The following CFAP263 variants were observed in gnomAD, a reference collection of about 807,000 sequenced individuals.
CFAP263 encodes cilia- and flagella-associated protein 263.
chr16:58,278,533 G>A, the CFAP263 span: 50 of 1,614,074 alleles, frequency 3.1e-5, no homozygotes, highest in African/African-American at 3.3e-4. Flanking sequence ...GCAGCTGGCC[G>A]AGTTCCGGGC....
chr16:58,261,526 AG>A, the CFAP263 span, among the ~76,000 whole-genome samples: 1 of 152,174 alleles, frequency 6.6e-6, no homozygotes, highest in Admixed American at 6.5e-5. Context: ...TCACGAGAAA[AG>A]GTGTATATGT....
the CFAP263 span, chr16:58,279,808 A>T: frequency 1.3e-6 from 2 of 1,518,400 alleles, no homozygotes; most frequent in South Asian, 1.1e-5. Flanking sequence ...ACAGACCACT[A>T]CATGACCTAT....
At chr16:58,266,403 ATATTTTTTTTTTT>A in the CFAP263 span, among the ~76,000 whole-genome samples, 649 of 29,300 alleles carry the variant, frequency 0.022, 2 homozygotes, top group Middle Eastern at 0.079. Context: ...ATATATATAT[ATATTTTTTTTTTT>A]TTTTTTTTTT....
chr16:58,279,720 G>A, the CFAP263 span: 1 of 1,611,946 alleles, frequency 6.2e-7, no homozygotes, highest in Non-Finnish European at 8.5e-7. Context: ...GTAAGGCTTG[G>A]AATCGAATGA....
chr16:58,255,045 A>G, the CFAP263 span, among the ~76,000 whole-genome samples: 1 of 152,202 alleles, frequency 6.6e-6, no homozygotes, highest in Non-Finnish European at 1.5e-5. Context: ...ATTACAAGGC[A>G]AAGTCCCACG....
the CFAP263 span, chr16:58,279,784 G>A: frequency 8.0e-5 from 128 of 1,605,730 alleles, no homozygotes; most frequent in Non-Finnish European, 1.0e-4. Context: ...GTAGCCAGAG[G>A]CAGGCCACGG....
chr16:58,276,280 C>T, the CFAP263 span, among the ~76,000 whole-genome samples: 13 of 152,196 alleles, frequency 8.5e-5, 1 homozygote, highest in South Asian at 1.5e-3. Context: ...ATCAAAGAGT[C>T]GATAAAACTG....
chr16:58,257,490 C>T, the CFAP263 span, among the ~76,000 whole-genome samples: 6 of 151,954 alleles, frequency 3.9e-5, no homozygotes, highest in Non-Finnish European at 7.4e-5. Context: ...TGGCTATTCG[C>T]GGTCGCAATC....
chr16:58,280,389 C>T, the CFAP263 span: 1 of 1,614,174 alleles, frequency 6.2e-7, no homozygotes, highest in Non-Finnish European at 8.5e-7. Context: ...TGCCTGATTC[C>T]TTTACATCCT....
At chr16:58,283,530 C>T in the CFAP263 span, 2 of 152,078 alleles carry the variant, frequency 1.3e-5, no homozygotes, top group African/African-American at 4.8e-5. Flanking sequence ...TAACGGGCAG[C>T]ATTTTTTTCT....
chr16:58,269,449 G>GAAAGA, the CFAP263 span, among the ~76,000 whole-genome samples: 7 of 150,704 alleles, frequency 4.6e-5, no homozygotes, highest in East Asian at 3.9e-4. Context: ...AGGAAGGAAG[G>GAAAGA]AAAGAAAAGA....
At chr16:58,252,627 A>C in the CFAP263 span, 5 of 999,792 alleles carry the variant, frequency 5.0e-6, no homozygotes, top group Admixed American at 1.0e-4. Context: ...TAAGGCACCA[A>C]GGGGCTAACG....
the CFAP263 span, chr16:58,250,061 G>C: frequency 5.0e-6 from 8 of 1,600,360 alleles, no homozygotes; most frequent in Non-Finnish European, 6.8e-6. Flanking sequence ...TCCCATGAAG[G>C]GTCGGAGCTG....
At chr16:58,267,891 C>T in the CFAP263 span, among the ~76,000 whole-genome samples, 2 of 151,954 alleles carry the variant, frequency 1.3e-5, no homozygotes, top group African/African-American at 4.8e-5. Context: ...TTCGATGTTT[C>T]GTGTCTACAA....
the CFAP263 span, among the ~76,000 whole-genome samples, chr16:58,278,008 T>TAGTTGCAC: frequency 6.6e-6 from 1 of 152,194 alleles, no homozygotes; most frequent in Non-Finnish European, 1.5e-5. Context: ...ATGGTGGTGA[T>TAGTTGCAC]AGTTGCACAA....
chr16:58,252,696 C>T, the CFAP263 span: 1 of 1,603,940 alleles, frequency 6.2e-7, no homozygotes, highest in African/African-American at 1.3e-5. Flanking sequence ...ACTCTTATTA[C>T]TAGAACTTAC....
chr16:58,261,345 A>G, the CFAP263 span, among the ~76,000 whole-genome samples: 58 of 152,322 alleles, frequency 3.8e-4, no homozygotes, highest in African/African-American at 1.4e-3. Flanking sequence ...TCTGCAGATC[A>G]TCAGTTCCTG....
chr16:58,262,585 A>C, the CFAP263 span: 1 of 1,526,480 alleles, frequency 6.6e-7, no homozygotes, highest in Non-Finnish European at 8.9e-7. Context: ...GGCTTTCCAC[A>C]CTCACCTTTC....
At chr16:58,252,073 A>T in the CFAP263 span, among the ~76,000 whole-genome samples, 161 of 152,350 alleles carry the variant, frequency 1.1e-3, 3 homozygotes, top group Admixed American at 5.2e-4. Flanking sequence ...CTTCAAGAAT[A>T]TAGTAATTCA....
Sources: gnomAD v4.1 joint callset for allele counts (sites outside exome capture counted in the v4.1 genomes callset) on GRCh38, gnomAD v4.1.1 for gene constraint, MANE v1.5 for transcripts, NCBI Gene and HGNC (gene_info 2026-07-23, HGNC 2026-07-21) for gene names.